The following LMBRD1 variants were observed in gnomAD, a reference collection of about 807,000 sequenced individuals.
LMBRD1 encodes the protein LMBR1 domain containing 1.
A neutral mutation model predicts 74.8 loss-of-function variants in LMBRD1; 64 were observed. The observed-to-expected ratio is 0.86, with a 90% CI of 0.70 to 1.05. The LOEUF (loss-of-function observed/expected upper bound fraction) is 1.05. Ranked by LOEUF, LMBRD1 falls within the 50% of genes least tolerant of loss-of-function variation. LMBRD1 has a pLI of 0.00. For missense variants in LMBRD1, 652 were observed against 645.9 expected (o/e 1.01, Z -0.10); for synonymous variants, 204 against 216.3 (o/e 0.94, Z 0.50).
chr6:69,781,622 A>T (rs914217569), intron 2 of LMBRD1, among the ~76,000 whole-genome samples: 2 of 152,198 alleles, frequency 1.3e-5, no homozygotes, highest in African/African-American at 4.8e-5. Context: ...TACTTCTACA[A>T]AGGCAAAACC....
intron 3 of LMBRD1, among the ~76,000 whole-genome samples, chr6:69,762,487 T>C (rs2149883165): frequency 6.6e-6 from 1 of 152,248 alleles, no homozygotes; most frequent in East Asian, 1.9e-4. Context: ...ACAAACTGTT[T>C]TTCCAAAACA....
chr6:69,712,530 A>G (rs577923328), intron 9 of LMBRD1, among the ~76,000 whole-genome samples: 60 of 152,176 alleles, frequency 3.9e-4, no homozygotes, highest in African/African-American at 1.4e-3. Flanking sequence ...CACATACATA[A>G]TTGGAACATT....
chr6:69,756,371 A>AAAAAAAG, intron 3 of LMBRD1, among the ~76,000 whole-genome samples: 1 of 152,174 alleles, frequency 6.6e-6, no homozygotes, highest in African/African-American at 2.4e-5. Context: ...TCAAAAAAAA[A>AAAAAAAG]AAAAAGAAAA....
intron 2 of LMBRD1, among the ~76,000 whole-genome samples, chr6:69,785,774 T>A (rs1582162749): frequency 6.6e-6 from 1 of 152,364 alleles, no homozygotes; most frequent in Non-Finnish European, 1.5e-5. Context: ...TTAATATGAC[T>A]TAAAAGTCAT....
intron 7 of LMBRD1, among the ~76,000 whole-genome samples, chr6:69,735,235 A>C (rs1766949622): frequency 6.6e-6 from 1 of 152,196 alleles, no homozygotes; most frequent in Non-Finnish European, 1.5e-5. Context: ...TTCCAACTGC[A>C]GGGTGCACTC....
At chr6:69,730,889 C>A (rs1254182707) in intron 7 of LMBRD1, among the ~76,000 whole-genome samples, 1 of 151,924 alleles carries the variant, frequency 6.6e-6, no homozygotes, top group African/African-American at 2.4e-5. Context: ...CAAAAGGATT[C>A]CCTTCTATAT....
chr6:69,700,693 T>G, intron 12 of LMBRD1, 72 bp downstream of exon 12: 1 of 1,054,504 alleles, frequency 9.5e-7, no homozygotes, highest in African/African-American at 1.6e-5. Context: ...ATTCTAAATC[T>G]AAGATAATTT....
intron 7 of LMBRD1, among the ~76,000 whole-genome samples, chr6:69,728,656 C>A (rs1225794918): frequency 2.0e-5 from 3 of 152,188 alleles, no homozygotes; most frequent in African/African-American, 7.2e-5. Flanking sequence ...AAACACAAGG[C>A]CTTCTGAATT....
chr6:69,700,563 C>T (rs938831930), intron 12 of LMBRD1, among the ~76,000 whole-genome samples: 5 of 151,590 alleles, frequency 3.3e-5, no homozygotes, highest in African/African-American at 9.7e-5. Flanking sequence ...CAAATGTTTC[C>T]GGGGGGCAAA....
intron 3 of LMBRD1, among the ~76,000 whole-genome samples, chr6:69,773,941 C>T (rs1765629943): frequency 6.6e-6 from 1 of 152,088 alleles, no homozygotes; most frequent in Non-Finnish European, 1.5e-5. Flanking sequence ...AAGCCAAACA[C>T]AAAACATTAT....
At chr6:69,688,140 A>C (rs183517310) in intron 14 of LMBRD1, among the ~76,000 whole-genome samples, 2 of 152,208 alleles carry the variant, frequency 1.3e-5, no homozygotes, top group Admixed American at 1.3e-4. Context: ...CAAAGCATCA[A>C]TGTCACTTTT....
chr6:69,693,117 T>C (rs1272115618), intron 14 of LMBRD1, among the ~76,000 whole-genome samples: 2 of 152,156 alleles, frequency 1.3e-5, no homozygotes, highest in African/African-American at 2.4e-5. Context: ...TAAAACTTGA[T>C]TCCTAATTTG....
chr6:69,680,805 T>G (rs1765644239), intron 14 of LMBRD1, among the ~76,000 whole-genome samples: 1 of 152,092 alleles, frequency 6.6e-6, no homozygotes, highest in Non-Finnish European at 1.5e-5. Flanking sequence ...CATGCATATA[T>G]TTCCTATTCA....
At chr6:69,736,542 A>G (rs1225281897) in intron 7 of LMBRD1, among the ~76,000 whole-genome samples, 2 of 152,182 alleles carry the variant, frequency 1.3e-5, no homozygotes, top group Non-Finnish European at 2.9e-5. Context: ...AAGTAGGGTA[A>G]ATATCCTAGG....
intron 3 of LMBRD1, among the ~76,000 whole-genome samples, chr6:69,776,654 GCCTTATCCCTCAAA>G (rs1765712438): frequency 6.6e-6 from 1 of 152,136 alleles, no homozygotes; most frequent in Non-Finnish European, 1.5e-5. Flanking sequence ...ATGCTTAGCC[GCCTTATCCCTCAAA>G]CCTTTATCTC....
intron 14 of LMBRD1, among the ~76,000 whole-genome samples, chr6:69,684,852 A>G (rs2149836575): frequency 6.6e-6 from 1 of 152,314 alleles, no homozygotes; most frequent in Non-Finnish European, 1.5e-5. Context: ...TCCAACAGAT[A>G]AAGTGAGCAA....
chr6:69,795,868 TTAAAG>T (rs771966055), intron 1 of LMBRD1, among the ~76,000 whole-genome samples: 2 of 152,180 alleles, frequency 1.3e-5, no homozygotes, highest in African/African-American at 2.4e-5. Context: ...GATCTGACAA[TTAAAG>T]TAAAACCAAA....
At chr6:69,731,064 G>C (rs576740475) in intron 7 of LMBRD1, among the ~76,000 whole-genome samples, 1 of 152,040 alleles carries the variant, frequency 6.6e-6, no homozygotes, top group Non-Finnish European at 1.5e-5. Flanking sequence ...CTGTGTATGA[G>C]CGAAAACATG....
At chr6:69,698,960 C>T in intron 13 of LMBRD1, 83 bp downstream of exon 13, 4 of 924,438 alleles carry the variant, frequency 4.3e-6, no homozygotes, top group South Asian at 1.4e-5. Context: ...ATATCTTATG[C>T]TAACCATCAC....
Sources: gnomAD v4.1 joint callset for allele counts (sites outside exome capture counted in the v4.1 genomes callset) on GRCh38, gnomAD v4.1.1 for gene constraint, MANE v1.5 for transcripts, NCBI Gene and HGNC (gene_info 2026-07-23, HGNC 2026-07-21) for gene names.